The following ARHGAP15 variants were observed in gnomAD, a reference collection of about 807,000 sequenced individuals.
The protein encoded by ARHGAP15 is Rho GTPase activating protein 15.
In ARHGAP15, 51 loss-of-function variants were observed where a neutral mutation model predicts 63.7. The observed-to-expected ratio is 0.80, with a 90% CI of 0.64 to 1.01. The LOEUF is 1.01. Ranked by LOEUF, ARHGAP15 falls within the 50% of genes least tolerant of loss-of-function variation. The pLI, the probability that ARHGAP15 is intolerant of heterozygous loss-of-function variation, is 0.00. For missense variants in ARHGAP15, 560 were observed against 564.6 expected (o/e 0.99, Z 0.08); for synonymous variants, 191 against 193.8 (o/e 0.99, Z 0.12).
At chr2:143,576,939 A>G (rs533935246) in intron 11 of ARHGAP15, among the ~76,000 whole-genome samples, 2 of 152,310 alleles carry the variant, frequency 1.3e-5, no homozygotes, top group East Asian at 3.9e-4. Flanking sequence ...GCTGATGACC[A>G]TATAGACTAT....
At chr2:143,343,744 A>G (rs540143256) in intron 6 of ARHGAP15, among the ~76,000 whole-genome samples, 1 of 152,154 alleles carries the variant, frequency 6.6e-6, no homozygotes, top group South Asian at 2.1e-4. Flanking sequence ...ATTGCACCCA[A>G]TTTTTCAGGG....
At chr2:143,435,822 C>A in intron 7 of ARHGAP15, 123 bp downstream of exon 7, 1 of 997,250 alleles carries the variant, frequency 1.0e-6, no homozygotes, top group South Asian at 1.9e-5. Flanking sequence ...GGATTAAGTT[C>A]TTTTAGTTTA....
At chr2:143,739,297 G>T (rs80071665) in intron 13 of ARHGAP15, among the ~76,000 whole-genome samples, 17,992 of 152,018 alleles carry the variant, frequency 0.12, 1,322 homozygotes, top group Admixed American at 0.22. Context: ...GGGGTTCAAA[G>T]CTAGATTCTG....
intron 6 of ARHGAP15, among the ~76,000 whole-genome samples, chr2:143,403,289 T>A (rs917327210): frequency 6.6e-6 from 1 of 151,882 alleles, no homozygotes; most frequent in Non-Finnish European, 1.5e-5. Flanking sequence ...ATTATTTTCT[T>A]TCAACACTCC....
intron 5 of ARHGAP15, chr2:143,236,375 G>A (rs1055820781): frequency 2.5e-5 from 4 of 156,868 alleles, no homozygotes; most frequent in African/African-American, 9.6e-5. Flanking sequence ...TTCAGCTTAG[G>A]TATCTCTCCT....
rs1470450860 is a variant in ARHGAP15 at position 143,332,394 on chromosome 2, A to C, written c.474+81794A>C. Among the ~76,000 whole-genome samples the C allele has an allele frequency of 7.9e-5, 12 of 152,274 alleles. 1 individual carries two copies. In the East Asian group the frequency reaches 2.3e-3, roughly 29 times the overall value. Reference sequence around the variant, plus strand: ...TCCTCATATTTTTAAAAAATGCTTAATAAGATCTTCATCTGTTGTATTTTT... The same window carrying C: ...TCCTCATATTTTTAAAAAATGCTTACTAAGATCTTCATCTGTTGTATTTTT... On this transcript the variant is annotated intron_variant, in intron 6 of 13. Coordinates refer to ENST00000295095, the MANE Select transcript of ARHGAP15 (RefSeq NM_018460.4).
At chr2:143,565,987 TG>T (rs2105107885) in intron 11 of ARHGAP15, among the ~76,000 whole-genome samples, 1 of 152,298 alleles carries the variant, frequency 6.6e-6, no homozygotes, top group South Asian at 2.1e-4. Context: ...AGGTGCCCCA[TG>T]TACTTTGGAA....
At chr2:143,491,192 C>T (rs1692565904) in intron 9 of ARHGAP15, among the ~76,000 whole-genome samples, 1 of 152,110 alleles carries the variant, frequency 6.6e-6, no homozygotes, top group African/African-American at 2.4e-5. Flanking sequence ...AACTTGAATC[C>T]GTTTAACATA....
At chr2:143,439,739 G>C (rs530866710) in intron 8 of ARHGAP15, among the ~76,000 whole-genome samples, 1 of 151,906 alleles carries the variant, frequency 6.6e-6, no homozygotes, top group African/African-American at 2.4e-5. Flanking sequence ...TCAAACCCAA[G>C]CAGTCTTATT....
At chr2:143,323,282 T>C (rs1195812410) in intron 6 of ARHGAP15, among the ~76,000 whole-genome samples, 1 of 152,220 alleles carries the variant, frequency 6.6e-6, no homozygotes, top group Non-Finnish European at 1.5e-5. Flanking sequence ...GAACATGCTT[T>C]TTGTTTTGAA....
intron 5 of ARHGAP15, among the ~76,000 whole-genome samples, chr2:143,233,080 T>C (rs944135299): frequency 6.6e-6 from 1 of 152,220 alleles, no homozygotes; most frequent in Admixed American, 6.5e-5. Context: ...TCTCAATGTA[T>C]ATGTTATTAC....
At chr2:143,636,116 C>T (rs897116348) in intron 12 of ARHGAP15, among the ~76,000 whole-genome samples, 2 of 152,070 alleles carry the variant, frequency 1.3e-5, no homozygotes, top group African/African-American at 4.8e-5. Flanking sequence ...AAGGTTGACC[C>T]TTTCCCATTT....
chr2:143,177,315 C>A (rs1464826760), intron 2 of ARHGAP15, among the ~76,000 whole-genome samples: 1 of 152,114 alleles, frequency 6.6e-6, no homozygotes, highest in Non-Finnish European at 1.5e-5. Flanking sequence ...AAAAGGAATT[C>A]TTCTCCATCA....
intron 13 of ARHGAP15, among the ~76,000 whole-genome samples, chr2:143,721,388 AT>A (rs1358725109): frequency 6.6e-6 from 1 of 152,190 alleles, no homozygotes; most frequent in Admixed American, 6.5e-5. Flanking sequence ...CACTCTCAGA[AT>A]GGCTTTTTCC....
intron 9 of ARHGAP15, among the ~76,000 whole-genome samples, chr2:143,517,308 A>G (rs777495353): frequency 2.6e-5 from 4 of 152,192 alleles, no homozygotes; most frequent in Non-Finnish European, 5.9e-5. Context: ...GTTGTCACCA[A>G]TTCAAACCAT....
At chr2:143,765,961 A>G (rs1686933937) in intron 13 of ARHGAP15, among the ~76,000 whole-genome samples, 1 of 152,198 alleles carries the variant, frequency 6.6e-6, no homozygotes, top group South Asian at 2.1e-4. Context: ...GTTGATTATT[A>G]TTAATATTGG....
intron 9 of ARHGAP15, among the ~76,000 whole-genome samples, chr2:143,488,688 A>G (rs1313545326): frequency 1.3e-5 from 2 of 152,228 alleles, no homozygotes; most frequent in African/African-American, 4.8e-5. Flanking sequence ...AAAGATTAGC[A>G]TTTAAATAAT....
chr2:143,142,409 G>A (rs1689405075), intron 1 of ARHGAP15, among the ~76,000 whole-genome samples: 1 of 152,030 alleles, frequency 6.6e-6, no homozygotes, highest in South Asian at 2.1e-4. Flanking sequence ...TCCTTGTTGT[G>A]TCTGTCTAGC....
In ARHGAP15 at chr2:143,497,791, T is replaced by C. The variant is rs994334164; in HGVS notation, c.826+10296T>C. 2.0e-5 allele frequency among the ~76,000 whole-genome samples: 3 copies of C among 152,204 alleles called. No homozygotes were observed. In the South Asian group the frequency reaches 6.2e-4, roughly 32 times the overall value. Reference sequence around the variant, plus strand: ...TTATTTGAGCAAATGTGTGAATGAATGCTTCTTATATAGTGAGACAAGTTG... The same window carrying C: ...TTATTTGAGCAAATGTGTGAATGAACGCTTCTTATATAGTGAGACAAGTTG... On this transcript the variant is annotated intron_variant, in intron 9 of 13. Coordinates refer to ENST00000295095, the MANE Select transcript of ARHGAP15 (RefSeq NM_018460.4).
Sources: allele counts gnomAD v4.1 joint callset (sites outside exome capture counted in the v4.1 genomes callset), GRCh38; gene constraint gnomAD v4.1.1; transcripts MANE v1.5; gene names NCBI Gene and HGNC (gene_info 2026-07-23, HGNC 2026-07-21).